MLLT10: variants seen among roughly 807,000 people sequenced by gnomAD.
MLLT10 encodes MLLT10 histone lysine methyltransferase DOT1L cofactor.
A neutral mutation model predicts 129.1 loss-of-function variants in MLLT10; 30 were observed. That is an observed-to-expected ratio of 0.23 (90% CI 0.17 to 0.32). The LOEUF (loss-of-function observed/expected upper bound fraction) is 0.32, where lower values mean the gene tolerates loss of function less well. Among genes scored for constraint, MLLT10 ranks in the 10% least tolerant of loss-of-function variants. The pLI is 1.00. For synonymous variants in MLLT10, 490 were observed against 446.4 expected, an observed-to-expected ratio of 1.10 and a Z score of -1.23; for missense variants, 1,119 against 1,268.3, an observed-to-expected ratio of 0.88 and a Z score of 1.79.
intron 21 of MLLT10, among the ~76,000 whole-genome samples, chr10:21,739,394 A>G (rs373911540): frequency 1.3e-5 from 2 of 152,118 alleles, no homozygotes; most frequent in African/African-American, 4.8e-5. Flanking sequence ...TAACTTCCCA[A>G]TGAAAACTGC....
At chr10:21,621,292 T>G (rs1482586429) in intron 8 of MLLT10, among the ~76,000 whole-genome samples, 1 of 144,890 alleles carries the variant, frequency 6.9e-6, no homozygotes, top group Admixed American at 7.1e-5. Flanking sequence ...TTGCCTAGGC[T>G]GGAGTGCAGT....
chr10:21,734,195 G>A, intron 20 of MLLT10, 66 bp downstream of exon 20: 1 of 1,506,974 alleles, frequency 6.6e-7, no homozygotes, highest in Admixed American at 2.2e-5. Context: ...CTATGCCTTA[G>A]ATTGGGGCTT....
At chr10:21,728,121 A>T (rs2057666726) in intron 16 of MLLT10, among the ~76,000 whole-genome samples, 193 bp downstream of exon 16, 2 of 152,254 alleles carry the variant, frequency 1.3e-5, no homozygotes, top group South Asian at 4.1e-4. Flanking sequence ...ATTTCTAAGT[A>T]AAACAAATCC....
At chr10:21,635,848 T>A (rs966969124) in intron 8 of MLLT10, among the ~76,000 whole-genome samples, 1 of 149,476 alleles carries the variant, frequency 6.7e-6, no homozygotes, top group African/African-American at 2.5e-5. Context: ...AGCCTCAGCC[T>A]CCCGAGTAGC....
chr10:21,593,688 AGGCTGAG>A (rs2042724669), intron 4 of MLLT10, among the ~76,000 whole-genome samples: 1 of 151,958 alleles, frequency 6.6e-6, no homozygotes, highest in Non-Finnish European at 1.5e-5. Flanking sequence ...CCACTTTGGG[AGGCTGAG>A]ACTGGTGGAT....
intron 21 of MLLT10, among the ~76,000 whole-genome samples, chr10:21,739,070 C>T (rs1280793247): frequency 6.6e-6 from 1 of 152,192 alleles, no homozygotes; most frequent in East Asian, 1.9e-4. Context: ...TCGTTTTCCT[C>T]ACCTCAGCTG....
rs1465211038 is a variant in MLLT10, at chr10:21,742,954, A to G, written c.*971A>G. 2 of 228,944 alleles carry G rather than the reference A, an allele frequency of 8.7e-6. No individual in the cohort carries two copies. The highest frequency in any genetic ancestry group is 4.4e-5 in the African/African-American group (2 of 45,096). The allele number at this position is 228,944 out of a possible 1,614,324, so 14.2% of individuals were successfully genotyped here. A position where few individuals can be genotyped will look rare whatever the true frequency, so the allele number is the denominator to read the frequency against. On this transcript the variant is annotated 3_prime_UTR_variant, in exon 23 of 23. Transcript: ENST00000307729. Reference sequence around the variant, plus strand: ...CTATTACCTGGGTATTTATCCACTAATGAGTCACAAGAAAAGGAGTGGATT... The same window carrying G: ...CTATTACCTGGGTATTTATCCACTAGTGAGTCACAAGAAAAGGAGTGGATT...
chr10:21,568,385 A>C (rs1351111317), intron 3 of MLLT10, among the ~76,000 whole-genome samples: 1 of 152,168 alleles, frequency 6.6e-6, no homozygotes, highest in Admixed American at 6.5e-5. Flanking sequence ...TCCTCCTAGA[A>C]GTGTAAGTGT....
chr10:21,625,668 C>G (rs2046359598), intron 8 of MLLT10: 6 of 764,018 alleles, frequency 7.9e-6, no homozygotes, highest in Non-Finnish European at 1.2e-5. Flanking sequence ...AGAGTGTTTT[C>G]TTTAGTCTTA....
intron 13 of MLLT10, chr10:21,688,634 T>A: frequency 1.0e-6 from 1 of 994,342 alleles, no homozygotes; most frequent in Non-Finnish European, 1.5e-6. Flanking sequence ...GTGTTAGCAG[T>A]ATGTACTCAT....
chr10:21,647,892 T>C (rs1013105816), intron 8 of MLLT10, among the ~76,000 whole-genome samples: 3 of 151,988 alleles, frequency 2.0e-5, no homozygotes, highest in Non-Finnish European at 2.9e-5. Context: ...TTTTATTTTT[T>C]GGGGGGGAGG....
rs775759443 is a variant in MLLT10, at chr10:21,614,937, C to T, written c.603+13C>T. ...TTTTAGTAAGCTGGTAAGAATTTCT[C>T]TTGGATTTAATGAAATGATTATGAT... On this transcript the variant is annotated intron_variant, in intron 7 of 22. Coordinates refer to ENST00000307729, the MANE Select transcript of MLLT10 (RefSeq NM_001195626.3). 1.1e-5 allele frequency: 17 copies of T among 1,577,248 alleles called. No individual in the cohort carries two copies. Among genetic ancestry groups the T allele is most frequent in the Non-Finnish European group, 1.5e-5 (17 of 1,155,934 alleles).
chr10:21,575,184 T>G (rs759063201), intron 3 of MLLT10, among the ~76,000 whole-genome samples: 2 of 147,024 alleles, frequency 1.4e-5, no homozygotes, highest in Non-Finnish European at 1.5e-5. Flanking sequence ...CCTACTTATT[T>G]TATTTTATTT....
intron 14 of MLLT10, among the ~76,000 whole-genome samples, chr10:21,725,148 AGAGTTAAGCAATG>A (rs2057391557): frequency 6.6e-6 from 1 of 152,254 alleles, no homozygotes; most frequent in Non-Finnish European, 1.5e-5. Flanking sequence ...TACTAATGAC[AGAGTTAAGCAATG>A]GAAATACAGC....
At chr10:21,682,875 G>A (rs370380576) in intron 13 of MLLT10, among the ~76,000 whole-genome samples, 17 of 152,268 alleles carry the variant, frequency 1.1e-4, no homozygotes, top group African/African-American at 4.1e-4. Context: ...TTTCCCCAAA[G>A]AACATTCCTT....
At chr10:21,641,526 C>A (rs941101896) in intron 8 of MLLT10, among the ~76,000 whole-genome samples, 1 of 152,126 alleles carries the variant, frequency 6.6e-6, no homozygotes, top group South Asian at 2.1e-4. Context: ...ATGTGTGGTG[C>A]GTGCCTATAG....
intron 5 of MLLT10, among the ~76,000 whole-genome samples, chr10:21,596,405 A>T (rs1017082642): frequency 7.9e-5 from 12 of 152,186 alleles, no homozygotes; most frequent in African/African-American, 2.7e-4. Flanking sequence ...TGTAAATTTA[A>T]TTAAGCAACC....
chr10:21,549,995 A>G (rs113488323), intron 3 of MLLT10, among the ~76,000 whole-genome samples: 107 of 152,312 alleles, frequency 7.0e-4, no homozygotes, highest in African/African-American at 2.5e-3. Context: ...ACTTAGGCTT[A>G]ATTTTACTGG....
chr10:21,634,103 C>T (rs937015932), intron 8 of MLLT10, among the ~76,000 whole-genome samples: 8 of 152,128 alleles, frequency 5.3e-5, no homozygotes, highest in Non-Finnish European at 1.2e-4. Flanking sequence ...AGCCGAGTGA[C>T]GTGGCTCGTG....
Sources: allele counts gnomAD v4.1 joint callset (sites outside exome capture counted in the v4.1 genomes callset), GRCh38; gene constraint gnomAD v4.1.1; transcripts MANE v1.5; gene names NCBI Gene and HGNC (gene_info 2026-07-23, HGNC 2026-07-21).